SORCS1: variants seen among roughly 807,000 people sequenced by gnomAD.
SORCS1 encodes sortilin related VPS10 domain containing receptor 1, also known as VPS10 domain-containing receptor SorCS1.
In SORCS1, 60 loss-of-function variants were observed where a neutral mutation model predicts 146.1. The observed-to-expected ratio is 0.41, with a 90% CI of 0.33 to 0.51. SORCS1 has a LOEUF of 0.51. SORCS1 is among the 20% of genes least tolerant of loss of function. The pLI is 0.21. For synonymous variants in SORCS1, 637 were observed against 584.0 expected, an observed-to-expected ratio of 1.09 and a Z score of -1.31; for missense variants, 1,352 against 1,487.6, an observed-to-expected ratio of 0.91 and a Z score of 1.50.
intron 2 of SORCS1, among the ~76,000 whole-genome samples, chr10:106,955,999 G>T (rs1013160342): frequency 6.6e-6 from 1 of 151,962 alleles, no homozygotes; most frequent in African/African-American, 2.4e-5. Context: ...GCGTGGTGGC[G>T]CATGCCTGTA....
intron 1 of SORCS1, among the ~76,000 whole-genome samples, chr10:107,035,386 C>T (rs754189511): frequency 2.6e-5 from 4 of 152,014 alleles, no homozygotes; most frequent in Non-Finnish European, 5.9e-5. Flanking sequence ...ATGTGACTTC[C>T]CATTACATGA....
intron 1 of SORCS1, among the ~76,000 whole-genome samples, chr10:107,161,571 C>G (rs923838161): frequency 6.6e-6 from 1 of 152,072 alleles, no homozygotes; most frequent in Non-Finnish European, 1.5e-5. Flanking sequence ...CCGGCATAGC[C>G]CCCACTTTAG....
intron 1 of SORCS1, among the ~76,000 whole-genome samples, chr10:106,988,240 T>C (rs1956576662): frequency 6.6e-6 from 1 of 152,246 alleles, no homozygotes; most frequent in South Asian, 2.1e-4. Context: ...AGCAAAGGAA[T>C]CTAGCCACTT....
chr10:107,165,176 G>C (rs1251959311), upstream of SORCS1, among the ~76,000 whole-genome samples: 1 of 152,128 alleles, frequency 6.6e-6, no homozygotes, highest in African/African-American at 2.4e-5. This position sits in a 1 kb window ranked among gnomAD's most constrained non-coding sequence, Gnocchi z 4.0. Flanking sequence ...CCTCTCTTAT[G>C]CTTCCTGAGT....
chr10:107,080,761 A>G (rs1963270238), intron 1 of SORCS1, among the ~76,000 whole-genome samples: 1 of 152,220 alleles, frequency 6.6e-6, no homozygotes. Context: ...CAGTTATTAA[A>G]ACAATAATAA....
intron 3 of SORCS1, among the ~76,000 whole-genome samples, chr10:106,807,794 T>C (rs1253813689): frequency 6.6e-6 from 1 of 152,208 alleles, no homozygotes; most frequent in East Asian, 1.9e-4. Context: ...AGTGAAGTCA[T>C]TTAAGGAATA....
intron 18 of SORCS1, among the ~76,000 whole-genome samples, chr10:106,630,488 C>T (rs916194040): frequency 6.6e-6 from 1 of 152,104 alleles, no homozygotes; most frequent in East Asian, 1.9e-4. Flanking sequence ...CCAGGTCATT[C>T]ATTATAGAGA....
At chr10:106,922,397 G>A (rs1358167620) in intron 2 of SORCS1, among the ~76,000 whole-genome samples, 1 of 152,106 alleles carries the variant, frequency 6.6e-6, no homozygotes. Flanking sequence ...TCCCCTGAAG[G>A]GCTTCCAACA....
intron 1 of SORCS1, among the ~76,000 whole-genome samples, chr10:107,092,775 C>T (rs920469884): frequency 4.0e-5 from 6 of 149,234 alleles, no homozygotes; most frequent in African/African-American, 1.5e-4. Flanking sequence ...ACTTGAGAAA[C>T]AGAAGGCTTT....
intron 3 of SORCS1, among the ~76,000 whole-genome samples, chr10:106,797,178 T>C (rs373634368): frequency 6.6e-6 from 1 of 152,300 alleles, no homozygotes; most frequent in Non-Finnish European, 1.5e-5. Flanking sequence ...TTTTTACTTA[T>C]CTTTCATCTT....
At chr10:107,167,625 C>A (rs1308113952), upstream of SORCS1, among the ~76,000 whole-genome samples, 3 of 152,064 alleles carry the variant, frequency 2.0e-5, no homozygotes, top group Non-Finnish European at 4.4e-5. Context: ...TACAAGGGCA[C>A]AAGCACACTC....
At chr10:107,109,862 T>C (rs1011787719) in intron 1 of SORCS1, among the ~76,000 whole-genome samples, 6 of 152,202 alleles carry the variant, frequency 3.9e-5, no homozygotes, top group Non-Finnish European at 7.3e-5. Flanking sequence ...AGGTAGGCTA[T>C]TAGAAGCAGC....
At chr10:107,100,057 T>C (rs1166977079) in intron 1 of SORCS1, among the ~76,000 whole-genome samples, 1 of 152,190 alleles carries the variant, frequency 6.6e-6, no homozygotes, top group Non-Finnish European at 1.5e-5. Context: ...TCTTTCTGGG[T>C]CACATAAACC....
rs144213871 is a variant in SORCS1, at chr10:106,601,759, A to G, written c.3166-4309T>C. Reference sequence around the variant, plus strand: ...ACTGGCTGGTGGAGCGGCCATCACAAGCATTTCCATTCATTACATACAGCA... The same window carrying G: ...ACTGGCTGGTGGAGCGGCCATCACAGGCATTTCCATTCATTACATACAGCA... On this transcript the variant is annotated intron_variant, in intron 23 of 25. Coordinates refer to ENST00000263054, the MANE Select transcript of SORCS1 (RefSeq NM_052918.5). Among the ~76,000 whole-genome samples, 768 of 152,352 alleles carry G rather than the reference A, an allele frequency of 5.0e-3. 4 individuals are homozygous for G. Among genetic ancestry groups the G allele is most frequent in the African/African-American group, 0.015 (608 of 41,584 alleles).
intron 1 of SORCS1, among the ~76,000 whole-genome samples, chr10:107,124,154 A>C (rs182026053): frequency 6.6e-6 from 1 of 152,174 alleles, no homozygotes; most frequent in East Asian, 1.9e-4. Context: ...AGAATTAAAT[A>C]ATATATGAAA....
chr10:106,800,685 C>T (rs11595573), intron 3 of SORCS1, among the ~76,000 whole-genome samples: 1 of 151,846 alleles, frequency 6.6e-6, no homozygotes, highest in Admixed American at 6.6e-5. Context: ...CCACACCCAG[C>T]TAATTTTTTT....
intron 3 of SORCS1, among the ~76,000 whole-genome samples, chr10:106,827,026 T>C (rs1211974195): frequency 6.6e-6 from 1 of 151,818 alleles, no homozygotes; most frequent in Non-Finnish European, 1.5e-5. Flanking sequence ...GTGGATTTGA[T>C]GGTTAGGCTC....
At chr10:106,709,003 G>A (rs571747459) in intron 7 of SORCS1, among the ~76,000 whole-genome samples, 48 of 152,220 alleles carry the variant, frequency 3.2e-4, no homozygotes, top group African/African-American at 1.1e-3. Context: ...TCTGGACACA[G>A]CCCAAAGAAA....
chr10:107,052,042 A>T (rs1483377210), intron 1 of SORCS1, among the ~76,000 whole-genome samples: 1 of 152,152 alleles, frequency 6.6e-6, no homozygotes, highest in East Asian at 1.9e-4. Flanking sequence ...CTAGGCTTGG[A>T]TCTTTTGTTA....
Sources: allele counts gnomAD v4.1 joint callset (sites outside exome capture counted in the v4.1 genomes callset), GRCh38; gene constraint gnomAD v4.1.1; non-coding constraint Gnocchi (gnomAD v3.1); transcripts MANE v1.5; gene names NCBI Gene and HGNC (gene_info 2026-07-23, HGNC 2026-07-21).